YY1: variants seen among roughly 807,000 people sequenced by gnomAD.
YY1 encodes YY1 transcription factor.
A neutral mutation model predicts 35.6 loss-of-function variants in YY1; 2 were observed. That is an observed-to-expected ratio of 0.06 (90% CI 0.02 to 0.18). The LOEUF is 0.18. YY1 is among the 10% of genes least tolerant of loss of function. The pLI, the probability that YY1 is intolerant of heterozygous loss-of-function variation, is 1.00. For synonymous variants in YY1, 268 were observed against 238.9 expected (o/e 1.12, Z -1.12); for missense variants, 322 against 573.4 (o/e 0.56, Z 4.48).
chr14:100,241,520 C>G (rs909261688), intron 1 of YY1, among the ~76,000 whole-genome samples: 2 of 152,106 alleles, frequency 1.3e-5, no homozygotes, highest in Admixed American at 1.3e-4. Flanking sequence ...CAGGCGCTGT[C>G]CTGCATCCAG....
chr14:100,272,874 T>C (rs1167650680), intron 2 of YY1, among the ~76,000 whole-genome samples: 1 of 152,132 alleles, frequency 6.6e-6, no homozygotes, highest in Non-Finnish European at 1.5e-5. Context: ...TTCCCACTTA[T>C]AAGTGAGGAC....
rs75356909 is a variant in YY1, at chr14:100,259,762, A to G, written c.680-2542A>G. Among the ~76,000 whole-genome samples the G allele has an allele frequency of 7.3e-3, 1,109 of 152,302 alleles. 14 individuals carry two copies. Among genetic ancestry groups the G allele is most frequent in the African/African-American group, 0.026 (1,062 of 41,552 alleles). On this transcript the variant is annotated intron_variant, in intron 1 of 4. Coordinates refer to ENST00000262238, the MANE Select transcript of YY1 (RefSeq NM_003403.5). ...CTCCTGCCATGCACTTGTGAATTTA[A>G]CCCATGAGAAAAGCTGGTTAGAATA...
At chr14:100,259,692 A>G (rs1273285664) in intron 1 of YY1, among the ~76,000 whole-genome samples, 3 of 152,244 alleles carry the variant, frequency 2.0e-5, no homozygotes, top group Admixed American at 1.3e-4. Flanking sequence ...GGCTGGGTTG[A>G]GAAGAGAGGT....
intron 1 of YY1, among the ~76,000 whole-genome samples, chr14:100,259,990 A>G (rs2139586713): frequency 6.6e-6 from 1 of 152,194 alleles, no homozygotes; most frequent in South Asian, 2.1e-4. Flanking sequence ...AATTGTGAAA[A>G]TCAATTAAGA....
At chr14:100,245,349 G>C (rs190601227) in intron 1 of YY1, among the ~76,000 whole-genome samples, 64 of 152,246 alleles carry the variant, frequency 4.2e-4, no homozygotes, top group African/African-American at 1.5e-3. Flanking sequence ...GTCTTGCCTT[G>C]TTGCCTAGGC....
intron 1 of YY1, among the ~76,000 whole-genome samples, chr14:100,247,163 G>T (rs929609269): frequency 2.0e-5 from 3 of 152,138 alleles, no homozygotes; most frequent in Admixed American, 6.6e-5. Context: ...TTTACAAAAG[G>T]CATTTCTATT....
chr14:100,249,748 G>GTTTTTTGT (rs367904756), intron 1 of YY1, among the ~76,000 whole-genome samples: 67 of 141,048 alleles, frequency 4.8e-4, no homozygotes, highest in African/African-American at 1.7e-3. Flanking sequence ...GCTACTTACC[G>GTTTTTTGT]TTTTTTTTTT....
chr14:100,264,874 A>G (rs529499535), intron 2 of YY1, among the ~76,000 whole-genome samples: 39 of 152,272 alleles, frequency 2.6e-4, no homozygotes, highest in African/African-American at 8.9e-4. Context: ...CACTTTGGGA[A>G]GCTGAGGTGG....
At chr14:100,249,748 G>GTTTTTTTT (rs57119106) in intron 1 of YY1, among the ~76,000 whole-genome samples, 4 of 141,042 alleles carry the variant, frequency 2.8e-5, no homozygotes, top group African/African-American at 5.3e-5. Flanking sequence ...GCTACTTACC[G>GTTTTTTTT]TTTTTTTTTT....
chr14:100,267,684 C>T (rs979322963), intron 2 of YY1, among the ~76,000 whole-genome samples: 2 of 152,032 alleles, frequency 1.3e-5, no homozygotes, highest in East Asian at 1.9e-4. Context: ...CCACTACGCC[C>T]GGCTAATTTT....
chr14:100,255,930 CTG>C lies in YY1; in HGVS notation c.680-6372_680-6371del, dbSNP rs148177578. On this transcript the variant is annotated intron_variant, in intron 1 of 4. Transcript: ENST00000262238. ...TGATTATAATCCTTCTCCTCTCTGA[CTG>C]TATTCTTTTTCAGTAGATAATCTTA... Among the ~76,000 whole-genome samples the C allele has an allele frequency of 8.6e-3, 1,314 of 152,276 alleles. 17 individuals carry two copies. Among genetic ancestry groups the C allele is most frequent in the African/African-American group, 0.03 (1,251 of 41,536 alleles).
At position 100,277,286 on chromosome 14, in the gene YY1, G is replaced by A. The variant is rs1045588693; in HGVS notation, c.1063-132G>A. On this transcript the variant is annotated intron_variant, in intron 4 of 4. Coordinates refer to ENST00000262238, the MANE Select transcript of YY1 (RefSeq NM_003403.5). The surrounding 1 kb of genome is among the most constrained non-coding windows in gnomAD (Gnocchi z 5.6). ...GCTGATTCTAGACTATATCCACAAA[G>A]TTCACCCAGGGCAGGAATGAAAAGT... The A allele has an allele frequency of 8.6e-6, 10 of 1,160,780 alleles. No individual in the cohort carries two copies. In the Admixed American group the frequency reaches 1.9e-4, roughly 22 times the overall value. 71.9% of individuals were successfully genotyped at this position (1,160,780 alleles called of 1,614,324 possible). A position where few individuals can be genotyped will look rare whatever the true frequency, so the allele number is the denominator to read the frequency against.
intron 1 of YY1, among the ~76,000 whole-genome samples, chr14:100,252,900 T>G (rs781725575): frequency 2.0e-4 from 31 of 151,596 alleles, no homozygotes; most frequent in Admixed American, 1.4e-3. Context: ...CAACTGGGTG[T>G]GGTGGTGTGG....
At position 100,259,870 on chromosome 14, in the gene YY1, G is replaced by A. The variant is rs531155913; in HGVS notation, c.680-2434G>A. Among the ~76,000 whole-genome samples, 11 of 152,296 alleles carry A rather than the reference G, an allele frequency of 7.2e-5. No individual in the cohort carries two copies. The South Asian group carries it at 1.5e-3, about 20-fold the overall frequency. ...GACCAGACAGCATTGGACCCAGAATGCCAGATTGAAATAATTTACAGCAGC... is the reference window on the plus strand; with the variant it reads ...GACCAGACAGCATTGGACCCAGAATACCAGATTGAAATAATTTACAGCAGC... On this transcript the variant is annotated intron_variant, in intron 1 of 4. Coordinates refer to ENST00000262238, the MANE Select transcript of YY1 (RefSeq NM_003403.5).
At position 100,279,828 on chromosome 14, in the gene YY1, G is replaced by T; in HGVS notation, c.*2228G>T. 1 of 152,324 alleles carries T rather than the reference G, an allele frequency of 6.6e-6. No homozygotes were observed. Among genetic ancestry groups the T allele is most frequent in the Non-Finnish European group, 1.5e-5 (1 of 68,114 alleles). 9.4% of individuals were successfully genotyped at this position (152,324 alleles called of 1,614,324 possible). ...TCAGGACCCTGCCCAAGGGCCCACC[G>T]CAGAGCACACCTATGCTATGGGGAG... On this transcript the variant is annotated 3_prime_UTR_variant, in exon 5 of 5. Transcript: ENST00000262238.
chr14:100,259,260 C>G (rs1196085573), intron 1 of YY1, among the ~76,000 whole-genome samples: 1 of 152,202 alleles, frequency 6.6e-6, no homozygotes, highest in African/African-American at 2.4e-5. Context: ...CCGCCAGGCA[C>G]TGTGGCTCCC....
At chr14:100,247,407 G>T in intron 1 of YY1, among the ~76,000 whole-genome samples, 1 of 149,140 alleles carries the variant, frequency 6.7e-6, no homozygotes. Flanking sequence ...TTCGAGACAG[G>T]GTCTCACTTT....
chr14:100,255,133 G>A (rs1189433323), intron 1 of YY1, among the ~76,000 whole-genome samples: 2 of 151,444 alleles, frequency 1.3e-5, no homozygotes, highest in Non-Finnish European at 2.9e-5. Flanking sequence ...CACAATTTCT[G>A]TGCAGTGGTC....
At chr14:100,263,984 G>A (rs1338573781) in intron 2 of YY1, 1 of 152,114 alleles carries the variant, frequency 6.6e-6, no homozygotes, top group Non-Finnish European at 1.5e-5. Context: ...CGAGTAGCTG[G>A]AACTACAGGT....
Sources: gnomAD v4.1 joint callset for allele counts (sites outside exome capture counted in the v4.1 genomes callset) on GRCh38, gnomAD v4.1.1 for gene constraint, Gnocchi (gnomAD v3.1) non-coding constraint, MANE v1.5 for transcripts, NCBI Gene and HGNC (gene_info 2026-07-23, HGNC 2026-07-21) for gene names.